NPAT: variants seen among roughly 807,000 people sequenced by gnomAD.
NPAT encodes the protein nuclear protein, coactivator of histone transcription, also known as protein NPAT.
Under a neutral mutation model 130.7 loss-of-function variants are expected in NPAT, and 52 were observed. The ratio of observed to expected loss-of-function variants is 0.40; its 90% CI spans 0.32 to 0.50. The LOEUF (loss-of-function observed/expected upper bound fraction) is 0.50. NPAT is among the 20% of genes least tolerant of loss of function. The pLI is 0.68. For synonymous variants in NPAT, 580 were observed against 584.8 expected, an observed-to-expected ratio of 0.99 and a Z score of 0.12; for missense variants, 1,687 against 1,662.6, an observed-to-expected ratio of 1.01 and a Z score of -0.26.
chr11:108,194,639 CCA>C (rs1277020835), intron 2 of NPAT, among the ~76,000 whole-genome samples: 2 of 152,104 alleles, frequency 1.3e-5, no homozygotes, highest in Non-Finnish European at 2.9e-5. Flanking sequence ...TTCGTTGTCA[CCA>C]GTTTTTAAAA....
intron 1 of NPAT, among the ~76,000 whole-genome samples, chr11:108,200,144 C>T (rs1279564208): frequency 6.6e-6 from 1 of 152,196 alleles, no homozygotes; most frequent in African/African-American, 2.4e-5. Context: ...CCCCTACCTG[C>T]GTTTAAGTTG....
chr11:108,208,332 T>C (rs1308761169), intron 1 of NPAT: 5 of 349,262 alleles, frequency 1.4e-5, no homozygotes, highest in Non-Finnish European at 2.3e-5. Flanking sequence ...CATGGCTGGG[T>C]GAAGTAGCTC....
intron 17 of NPAT, among the ~76,000 whole-genome samples, chr11:108,159,474 A>C (rs539348745): frequency 6.6e-6 from 1 of 152,336 alleles, no homozygotes; most frequent in East Asian, 1.9e-4. Context: ...GCTGAGACTC[A>C]GAAAGGCTAC....
In NPAT at chr11:108,161,896, G is replaced by T; in HGVS notation, c.3190C>A (p.Leu1064Ile). The T allele has an allele frequency of 6.2e-7, 1 of 1,613,628 alleles. No homozygotes were observed. Among genetic ancestry groups the T allele is most frequent in the Admixed American group, 1.7e-5 (1 of 60,002 alleles). Reference protein sequence around the residue: ...PAAKPCHRRVLCFDSTTAPVA... With the variant: ...PAAKPCHRRVICFDSTTAPVA... ...GGAGCAGTAGTGCTGTCGAAACAGA[G>T]TACACGTCTGTGGCATGGTTTAGCA... Residue 1064 changes from leucine (L) to isoleucine (I), a missense_variant, in exon 17 of 18, where the codon CTC (leucine) becomes ATC (isoleucine). Leu to Ile is a conservative substitution (Grantham distance 5, BLOSUM62 2). This residue lies in a region of NPAT where 1,379 missense variants were observed against 1,346.6 expected (regional missense o/e 1.02). Coordinates refer to ENST00000278612, the MANE Select transcript of NPAT (RefSeq NM_002519.3).
At position 108,161,641 on chromosome 11, in the gene NPAT, T is replaced by C; in HGVS notation, c.3445A>G (p.Lys1149Glu). The part of the protein sequence containing the change: ...TTIRETQSEK[K>E]VSPTEIVLES... Reference sequence around the variant, plus strand: ...AGCACAATTTCTGTTGGTGAAACTTTCTTTTCTGATTGAGTTTCTCTTATG... The same window carrying C: ...AGCACAATTTCTGTTGGTGAAACTTCCTTTTCTGATTGAGTTTCTCTTATG... The change falls in exon 17 of 18, where the codon AAA becomes GAA. Residue 1149 changes from lysine to glutamate, a missense_variant. By Grantham distance (56) the Lys-to-Glu change is moderately conservative. Transcript: ENST00000278612. 6.2e-7 allele frequency: 1 copy of C among 1,614,130 alleles called. No homozygotes were observed. The highest frequency in any genetic ancestry group is 1.1e-5 in the South Asian group (1 of 91,086).
chr11:108,172,555 A>G lies in NPAT; in HGVS notation c.2429T>C (p.Met810Thr), dbSNP rs191443250. Residue 810 changes from methionine (M) to threonine (T), a missense_variant, in exon 13 of 18, where the codon ATG becomes ACG. Transcript: ENST00000278612. ...VYAEVGDSAS[M>T]EQSLLTFKSE... ...TTTGAATGTTAAAAGACTCTGTTCC[A>G]TTGAGGCTGAATCCCCTACTTCGGC... 1.2e-5 allele frequency: 20 copies of G among 1,614,156 alleles called. No homozygotes were observed. In the Admixed American group the frequency reaches 2.2e-4, roughly 17 times the overall value.
chr11:108,187,008 T>C (rs1429376352), intron 7 of NPAT, among the ~76,000 whole-genome samples: 2 of 152,210 alleles, frequency 1.3e-5, no homozygotes, highest in African/African-American at 4.8e-5. Flanking sequence ...TTACTACCTA[T>C]GGTCTGAAGC....
chr11:108,202,070 C>T (rs1176176669), intron 1 of NPAT, among the ~76,000 whole-genome samples: 1 of 152,122 alleles, frequency 6.6e-6, no homozygotes, highest in African/African-American at 2.4e-5. Context: ...GAGGTAACTG[C>T]CCTCACAAAG....
intron 10 of NPAT, among the ~76,000 whole-genome samples, chr11:108,181,795 G>T (rs1474552865): frequency 2.0e-5 from 3 of 151,974 alleles, no homozygotes; most frequent in Non-Finnish European, 1.5e-5. Context: ...CCCAGCATGT[G>T]AAGCAAAATC....
At chr11:108,159,839 T>A (rs1379510119) in intron 17 of NPAT, among the ~76,000 whole-genome samples, 1 of 149,852 alleles carries the variant, frequency 6.7e-6, no homozygotes, top group Admixed American at 6.6e-5. Context: ...GGCAAAAGAC[T>A]GTCTCTATAA....
At position 108,161,536 on chromosome 11, in the gene NPAT, A is replaced by T. The variant is rs2077849609; in HGVS notation, c.3550T>A (p.Ser1184Thr). The part of the protein sequence containing the change: ...DVERQKNPEN[S>T]KLSIGQQNGG... ...TTTTGCTGCCCAATAGATAGTTTTGAATTTTCTGGATTTTTCTGTCTTTCT... is the reference window on the plus strand; with the variant it reads ...TTTTGCTGCCCAATAGATAGTTTTGTATTTTCTGGATTTTTCTGTCTTTCT... Residue 1184 changes from serine (S) to threonine (T), a missense_variant, in exon 17 of 18, where the codon TCA (serine) becomes ACA (threonine). Coordinates refer to ENST00000278612, the MANE Select transcript of NPAT (RefSeq NM_002519.3). 2 of 1,613,992 alleles carry T rather than the reference A, an allele frequency of 1.2e-6. No homozygotes were observed. Among genetic ancestry groups the T allele is most frequent in the African/African-American group, 1.3e-5 (1 of 74,900 alleles).
chr11:108,215,608 AG>A (rs1460665147), intron 1 of NPAT, among the ~76,000 whole-genome samples: 12 of 152,240 alleles, frequency 7.9e-5, no homozygotes, highest in Non-Finnish European at 1.5e-4. Flanking sequence ...ATCGTTAACC[AG>A]GTCCAACAGG....
At chr11:108,183,557 T>C (rs2078076972) in intron 10 of NPAT, among the ~76,000 whole-genome samples, 1 of 152,114 alleles carries the variant, frequency 6.6e-6, no homozygotes, top group Admixed American at 6.5e-5. Context: ...ATCCCAGCAC[T>C]TTGGGAGGCC....
chr11:108,189,346 A>T lies in NPAT; in HGVS notation c.332-16T>A. On this transcript the variant is annotated splice_polypyrimidine_tract_variant and intron_variant, in intron 5 of 17. Coordinates refer to ENST00000278612, the MANE Select transcript of NPAT (RefSeq NM_002519.3). ...CTCGTTCGGGCTGAAACATATAAGC[A>T]TTTAAAAAACAAATTCAACGTCAGG... 6.2e-7 allele frequency: 1 copy of T among 1,613,154 alleles called. No individual in the cohort carries two copies. Among genetic ancestry groups the T allele is most frequent in the Non-Finnish European group, 8.5e-7 (1 of 1,179,080 alleles).
chr11:108,179,304 G>A (rs191143054), intron 10 of NPAT, among the ~76,000 whole-genome samples: 43 of 151,568 alleles, frequency 2.8e-4, no homozygotes, highest in East Asian at 9.7e-4. Flanking sequence ...GAGTGTTCTC[G>A]TTGCCCAGGC....
At position 108,173,338 on chromosome 11, in the gene NPAT, T is replaced by C. The variant is rs750276095; in HGVS notation, c.1646A>G (p.Gln549Arg). ...TGTATCATTAGAATTTTCACAAAAT[T>C]GACTTTTTTTAGATGGCTTTCCAGT... The part of the protein sequence containing the change: ...SLTGKPSKKS[Q>R]FCENSNDTVK... The change falls in exon 13 of 18, where the codon CAA becomes CGA. Residue 549 changes from glutamine (Q) to arginine (R), a missense_variant. This residue lies in a region of NPAT where 1,379 missense variants were observed against 1,346.6 expected (regional missense o/e 1.02). Transcript: ENST00000278612. 6.2e-7 allele frequency: 1 copy of C among 1,613,164 alleles called. No homozygotes were observed. Among genetic ancestry groups the C allele is most frequent in the South Asian group, 1.1e-5 (1 of 91,030 alleles).
chr11:108,188,393 T>C (rs1384526817), intron 6 of NPAT, among the ~76,000 whole-genome samples: 2 of 152,116 alleles, frequency 1.3e-5, no homozygotes, highest in Non-Finnish European at 2.9e-5. Context: ...CAAAGTACAA[T>C]ATAGTCTCAA....
At chr11:108,218,944 C>G (rs910683202) in intron 1 of NPAT, among the ~76,000 whole-genome samples, 1 of 152,178 alleles carries the variant, frequency 6.6e-6, no homozygotes, top group Middle Eastern at 3.2e-3. Flanking sequence ...CAGAGCCATA[C>G]TTTTGCAAAT....
intron 1 of NPAT, among the ~76,000 whole-genome samples, chr11:108,212,815 T>C (rs1373521684): frequency 2.7e-5 from 4 of 149,686 alleles, no homozygotes; most frequent in Non-Finnish European, 5.9e-5. Context: ...GGCATGGTGG[T>C]GTCCACCTTA....
Sources: allele counts gnomAD v4.1 joint callset (sites outside exome capture counted in the v4.1 genomes callset), GRCh38; gene constraint gnomAD v4.1.1; regional missense constraint gnomAD v4.1.1; transcripts MANE v1.5; gene names NCBI Gene and HGNC (gene_info 2026-07-23, HGNC 2026-07-21).